The following OTOA variants were observed in gnomAD, a reference collection of about 807,000 sequenced individuals.
OTOA encodes otoancorin, also known as cancer/testis antigen 108.
OTOA carries 70 observed loss-of-function variants against 110.8 expected under a neutral mutation model. The observed-to-expected ratio is 0.63, with a 90% CI of 0.52 to 0.77. The LOEUF is 0.77. OTOA is among the 30% of genes least tolerant of loss of function. The pLI is 0.00. For synonymous variants in OTOA, 373 were observed against 431.5 expected, an observed-to-expected ratio of 0.86 and a Z score of 1.68; for missense variants, 917 against 1,075.8, an observed-to-expected ratio of 0.85 and a Z score of 2.06.
At chr16:21,704,997 C>A in intron 11 of OTOA, 172 bp from the exon 12 acceptor site, 1 of 1,038,812 alleles carries the variant, frequency 9.6e-7, no homozygotes, top group Non-Finnish European at 1.5e-6. Flanking sequence ...CAGTTAGGTT[C>A]CGCCTGTGGT....
At position 21,674,141 on chromosome 16, in the gene OTOA, A is replaced by G. The variant is rs187997255; in HGVS notation, c.-4-4370A>G. 6.6e-5 allele frequency among the ~76,000 whole-genome samples: 10 copies of G among 151,892 alleles called. No homozygotes were observed. In the East Asian group the frequency reaches 1.9e-3, roughly 29 times the overall value. On this transcript the variant is annotated intron_variant, in intron 1 of 28. Transcript: ENST00000646100. Reference sequence around the variant, plus strand: ...GAACATAAATTTTCATTTTTCTGGGATAAATGCCCAAGAGTGTAATTGTTG... The same window carrying G: ...GAACATAAATTTTCATTTTTCTGGGGTAAATGCCCAAGAGTGTAATTGTTG...
At chr16:21,695,224 ACC>A (rs34769468) in intron 9 of OTOA, among the ~76,000 whole-genome samples, 41,296 of 128,310 alleles carry the variant, frequency 0.32, 7,105 homozygotes, top group Non-Finnish European at 0.38. Flanking sequence ...ATGTAGTGAG[ACC>A]CCCCCCCCCC....
intron 23 of OTOA, among the ~76,000 whole-genome samples, chr16:21,744,459 T>G (rs1424531432): frequency 7.4e-6 from 1 of 134,864 alleles, no homozygotes; most frequent in Admixed American, 7.9e-5. Context: ...CTTATGTCTA[T>G]TTTAGATACT....
At chr16:21,731,294 G>C (rs1340003707) in intron 21 of OTOA, among the ~76,000 whole-genome samples, 4 of 152,206 alleles carry the variant, frequency 2.6e-5, no homozygotes, top group Non-Finnish European at 5.9e-5. Context: ...AATCACATGT[G>C]CAAGCACATT....
At chr16:21,710,790 G>T (rs1332227706) in intron 13 of OTOA, among the ~76,000 whole-genome samples, 1 of 152,120 alleles carries the variant, frequency 6.6e-6, no homozygotes. Context: ...ATCACCTGAC[G>T]CCAGGAGTTT....
intron 1 of OTOA, among the ~76,000 whole-genome samples, chr16:21,672,622 CAAA>C (rs3054190): frequency 1.1e-5 from 1 of 92,076 alleles, no homozygotes; most frequent in Non-Finnish European, 2.4e-5. Context: ...GACTCCATCT[CAAA>C]AAAAAAAAAA....
chr16:21,677,490 T>C (rs1966860889), intron 1 of OTOA, among the ~76,000 whole-genome samples: 1 of 149,000 alleles, frequency 6.7e-6, no homozygotes. Context: ...TTTTTTTTTT[T>C]TTTTTTTTTG....
At chr16:21,707,868 C>G (rs1567379845) in intron 12 of OTOA, among the ~76,000 whole-genome samples, 1 of 147,328 alleles carries the variant, frequency 6.8e-6, no homozygotes, top group East Asian at 2.1e-4. Flanking sequence ...GATCTTGGCT[C>G]ACTGCAACCT....
chr16:21,679,436 TTG>T (rs994618963), intron 5 of OTOA, among the ~76,000 whole-genome samples: 3 of 152,078 alleles, frequency 2.0e-5, no homozygotes, highest in African/African-American at 7.2e-5. Flanking sequence ...AGTTTCGCTC[TTG>T]TTGCCCAGGA....
chr16:21,693,814 G>T (rs959235932), intron 9 of OTOA, among the ~76,000 whole-genome samples: 1 of 152,146 alleles, frequency 6.6e-6, no homozygotes, highest in Non-Finnish European at 1.5e-5. Flanking sequence ...GACCTCAACA[G>T]ATCCACCTGG....
At chr16:21,697,945 C>G (rs1897978092) in intron 10 of OTOA, 70 bp downstream of exon 10, 2 of 1,337,530 alleles carry the variant, frequency 1.5e-6, no homozygotes, top group African/African-American at 1.4e-5. Context: ...TTCTCAAACT[C>G]TAATGTTCAT....
intron 6 of OTOA, 77 bp from the exon 7 acceptor site, chr16:21,685,153 G>T: frequency 6.3e-7 from 1 of 1,575,884 alleles, no homozygotes; most frequent in Non-Finnish European, 8.7e-7. Flanking sequence ...GGGCCGGGCT[G>T]GGCCGCTGGC....
chr16:21,701,538 C>T (rs1167863745), intron 11 of OTOA, among the ~76,000 whole-genome samples: 1 of 152,156 alleles, frequency 6.6e-6, no homozygotes, highest in African/African-American at 2.4e-5. Context: ...GACAGGAACT[C>T]TACATTCCAG....
chr16:21,693,255 C>A (rs1017377142), intron 9 of OTOA, among the ~76,000 whole-genome samples: 1 of 152,082 alleles, frequency 6.6e-6, no homozygotes, highest in African/African-American at 2.4e-5. Context: ...TGTAGTGAGA[C>A]CTTGTCGCAA....
At chr16:21,757,960 A>G (rs1463797587) in intron 28 of OTOA, among the ~76,000 whole-genome samples, 1 of 152,014 alleles carries the variant, frequency 6.6e-6, no homozygotes, top group Non-Finnish European at 1.5e-5. Flanking sequence ...CTGGGCACCT[A>G]CTATGTTCCA....
intron 28 of OTOA, among the ~76,000 whole-genome samples, chr16:21,759,729 C>T (rs79144072): frequency 3.9e-5 from 6 of 151,924 alleles, no homozygotes; most frequent in East Asian, 3.9e-4. Context: ...GGTGAAACCC[C>T]GTCTCTACTA....
rs746737589 is a variant in OTOA at position 21,687,537 on chromosome 16, A to G, written c.524A>G (p.Glu175Gly). The change falls in exon 8 of 29, where the codon GAG becomes GGG. Residue 175 changes from glutamate (E) to glycine (G), a missense_variant. Coordinates refer to ENST00000646100, the MANE Select transcript of OTOA (RefSeq NM_144672.4). ...TGTTTCCAGATGCTGAACTCCCTGG[A>G]GTGTGTGGAGATCCTGGGCAAGGTG... ...ERCFQMLNSL[E>G]CVEILGKVLR... 1.2e-6 allele frequency: 2 copies of G among 1,613,830 alleles called. No individual in the cohort carries two copies. Among genetic ancestry groups the G allele is most frequent in the South Asian group, 1.1e-5 (1 of 91,074 alleles).
Position 21,681,719 on chromosome 16 carries a change from T to C in OTOA, c.180-19T>C. 2 of 1,599,132 alleles carry C rather than the reference T, an allele frequency of 1.3e-6. No individual in the cohort carries two copies. ...AGAATCTGTCATTGTGATCTTTTCC[T>C]GTCTGTCTTCAACTGAAGCTCCCAC... On this transcript the variant is annotated intron_variant, in intron 5 of 28. Transcript: ENST00000646100.
rs548536367 is a variant in OTOA at position 21,734,499 on chromosome 16, G to A, written c.2302-1762G>A. On this transcript the variant is annotated intron_variant, in intron 21 of 28. Transcript: ENST00000646100. The stretch of plus-strand genomic sequence containing the variant: ...ACAAGCTTACCTATATAACAAACCT[G>A]CCATGTACCCCTGAACTTAAAATAA... 1.3e-3 allele frequency among the ~76,000 whole-genome samples: 196 copies of A among 151,268 alleles called. 2 individuals are homozygous for A. The highest frequency in any genetic ancestry group is 3.4e-3 in the Middle Eastern group (1 of 292).
Sources: gnomAD v4.1 joint callset for allele counts (sites outside exome capture counted in the v4.1 genomes callset) on GRCh38, gnomAD v4.1.1 for gene constraint, MANE v1.5 for transcripts, NCBI Gene and HGNC (gene_info 2026-07-23, HGNC 2026-07-21) for gene names.